Variants in GIPC2 observed in about 807,000 individuals in gnomAD.
GIPC2 encodes PDZ domain-containing protein GIPC2.
GIPC2 carries 30 observed loss-of-function variants against 30.6 expected under a neutral mutation model. The ratio of observed to expected loss-of-function variants is 0.98; its 90% CI spans 0.73 to 1.33. GIPC2 has a LOEUF of 1.33. Ranked by LOEUF, GIPC2 falls within the 40% of genes most tolerant of loss-of-function variation. GIPC2 has a pLI of 0.00. For synonymous variants in GIPC2, 167 were observed against 150.0 expected (o/e 1.11, Z -0.83); for missense variants, 414 against 390.3 (o/e 1.06, Z -0.51).
At chr1:78,071,518 T>C (rs942283532) in intron 1 of GIPC2, among the ~76,000 whole-genome samples, 1 of 151,286 alleles carries the variant, frequency 6.6e-6, no homozygotes, top group African/African-American at 2.4e-5. Flanking sequence ...TTCCTCTCCT[T>C]CTTTCTCCTC....
chr1:78,091,602 A>G (rs1302792031), intron 2 of GIPC2: 3 of 764,594 alleles, frequency 3.9e-6, no homozygotes, highest in African/African-American at 1.7e-5. Flanking sequence ...TTCTTCGGGA[A>G]TGCGTTCGTC....
At chr1:78,117,212 T>C (rs1662584308) in intron 3 of GIPC2, among the ~76,000 whole-genome samples, 1 of 152,228 alleles carries the variant, frequency 6.6e-6, no homozygotes, top group Non-Finnish European at 1.5e-5. Context: ...AGAAGACATA[T>C]TGCCTAGGTT....
At chr1:78,045,029 G>T (rs1661042038), upstream of GIPC2, 2 of 935,538 alleles carry the variant, frequency 2.1e-6, no homozygotes, top group African/African-American at 3.5e-5. Context: ...GGGACGGGGA[G>T]AGGAGAGGTA....
At chr1:78,050,648 T>C (rs1661178741) in intron 1 of GIPC2, among the ~76,000 whole-genome samples, 1 of 152,052 alleles carries the variant, frequency 6.6e-6, no homozygotes, top group South Asian at 2.1e-4. Context: ...TTTTTCTTTT[T>C]TTTGTGACGG....
At chr1:78,071,299 A>G (rs576712743) in intron 1 of GIPC2, among the ~76,000 whole-genome samples, 31 of 152,264 alleles carry the variant, frequency 2.0e-4, no homozygotes, top group African/African-American at 6.5e-4. Flanking sequence ...ATAATAATTT[A>G]AATTAAATAA....
intron 1 of GIPC2, among the ~76,000 whole-genome samples, chr1:78,052,988 C>T (rs772737782): frequency 6.6e-5 from 10 of 152,014 alleles, no homozygotes; most frequent in African/African-American, 2.2e-4. Flanking sequence ...GAAACTAGGA[C>T]GAATAGAGAA....
chr1:78,110,844 T>C (rs1423802567), intron 3 of GIPC2, among the ~76,000 whole-genome samples: 1 of 152,230 alleles, frequency 6.6e-6, no homozygotes, highest in Admixed American at 6.5e-5. Flanking sequence ...GGGAGCCCAC[T>C]TGGGCCTTTG....
At chr1:78,051,705 G>T (rs1432411852) in intron 1 of GIPC2, among the ~76,000 whole-genome samples, 3 of 152,042 alleles carry the variant, frequency 2.0e-5, no homozygotes, top group Non-Finnish European at 4.4e-5. Flanking sequence ...TTGCCATGTT[G>T]GCCTGTCTTG....
chr1:78,125,800 C>T, intron 4 of GIPC2, 81 bp from the exon 5 acceptor site: 1 of 745,400 alleles, frequency 1.3e-6, no homozygotes, highest in Non-Finnish European at 2.4e-6. Context: ...ACCGGCTCCA[C>T]ATCAGGCTTT....
chr1:78,108,330 G>T (rs931796989), intron 3 of GIPC2, among the ~76,000 whole-genome samples: 1 of 152,138 alleles, frequency 6.6e-6, no homozygotes, highest in Non-Finnish European at 1.5e-5. Flanking sequence ...CAATTTCAGG[G>T]AGTTATGAAA....
chr1:78,104,520 A>C (rs964734091), intron 3 of GIPC2, among the ~76,000 whole-genome samples: 11 of 152,196 alleles, frequency 7.2e-5, no homozygotes, highest in African/African-American at 2.4e-4. Flanking sequence ...AAACCATGTA[A>C]GAGGCTGTTG....
chr1:78,126,434 G>T lies in GIPC2; in HGVS notation c.796+472G>T, dbSNP rs1040242675. On this transcript the variant is annotated intron_variant, in intron 5 of 5. Coordinates refer to ENST00000370759, the MANE Select transcript of GIPC2 (RefSeq NM_017655.6). Reference sequence around the variant, plus strand: ...GGCAGTTGAGCAGTTGAATTTCTGCGTATTTCTTATGTCATCATTAGGCTG... The same window carrying T: ...GGCAGTTGAGCAGTTGAATTTCTGCTTATTTCTTATGTCATCATTAGGCTG... Among the ~76,000 whole-genome samples the T allele has an allele frequency of 2.0e-5, 3 of 151,908 alleles. No individual in the cohort carries two copies. In the East Asian group the frequency reaches 5.8e-4, roughly 29 times the overall value.
At chr1:78,088,594 C>T (rs1241787359) in intron 2 of GIPC2, among the ~76,000 whole-genome samples, 1 of 152,120 alleles carries the variant, frequency 6.6e-6, no homozygotes, top group East Asian at 1.9e-4. Flanking sequence ...ACACTGGGGT[C>T]TACTTGACCC....
chr1:78,062,645 C>T (rs999077167), intron 1 of GIPC2, among the ~76,000 whole-genome samples: 1 of 151,506 alleles, frequency 6.6e-6, no homozygotes, highest in African/African-American at 2.4e-5. Flanking sequence ...GTAGCCGGGA[C>T]CACAGGCGTG....
rs573573072 is a variant in GIPC2 at position 78,137,438 on chromosome 1, T to C, written c.*1695T>C. On this transcript the variant is annotated 3_prime_UTR_variant, in exon 6 of 6. Coordinates refer to ENST00000370759, the MANE Select transcript of GIPC2 (RefSeq NM_017655.6). ...ATTTATCAGCACTAGATATTAGATT[T>C]GAAATAAGTCATTGTTCATTATTGA... 3.2e-4 allele frequency: 48 copies of C among 152,326 alleles called. 1 individual carries two copies. Among genetic ancestry groups the C allele is most frequent in the African/African-American group, 1.1e-3 (47 of 41,582 alleles). 9.4% of individuals were successfully genotyped at this position (152,326 alleles called of 1,614,324 possible). A position where few individuals can be genotyped will look rare whatever the true frequency, so the allele number is the denominator to read the frequency against.
At chr1:78,128,973 T>G (rs1337698779) in intron 5 of GIPC2, among the ~76,000 whole-genome samples, 2 of 150,548 alleles carry the variant, frequency 1.3e-5, no homozygotes, top group Non-Finnish European at 3.0e-5. Flanking sequence ...CCACTGCACT[T>G]TAGACTGGAC....
intron 1 of GIPC2, among the ~76,000 whole-genome samples, chr1:78,052,648 A>G (rs571915900): frequency 5.9e-5 from 9 of 152,362 alleles, no homozygotes; most frequent in African/African-American, 1.2e-4. Context: ...AAGGTATACA[A>G]CACGATGTTT....
chr1:78,100,778 G>T (rs184289468), intron 3 of GIPC2, among the ~76,000 whole-genome samples: 97 of 151,708 alleles, frequency 6.4e-4, no homozygotes, highest in African/African-American at 2.2e-3. Flanking sequence ...AAAAATACAA[G>T]AATTAGCTGG....
At chr1:78,053,658 G>C (rs1373024775) in intron 1 of GIPC2, among the ~76,000 whole-genome samples, 4 of 147,962 alleles carry the variant, frequency 2.7e-5, no homozygotes, top group African/African-American at 1.0e-4. Flanking sequence ...TCTAATCTTA[G>C]CACTTTGGAA....
Sources: allele counts gnomAD v4.1 joint callset (sites outside exome capture counted in the v4.1 genomes callset), GRCh38; gene constraint gnomAD v4.1.1; transcripts MANE v1.5; gene names NCBI Gene and HGNC (gene_info 2026-07-23, HGNC 2026-07-21).